The following SMG6 variants were observed in gnomAD, a reference collection of about 807,000 sequenced individuals.
SMG6 encodes the protein SMG6 nonsense mediated mRNA decay factor, also known as telomerase-binding protein EST1A.
Under a neutral mutation model 142.2 loss-of-function variants are expected in SMG6, and 66 were observed. That is an observed-to-expected ratio of 0.46 (90% CI 0.38 to 0.57). The LOEUF is 0.57. Ranked by LOEUF, SMG6 falls within the 20% of genes least tolerant of loss-of-function variation. The pLI, the probability that SMG6 is intolerant of heterozygous loss-of-function variation, is 0.00. For missense variants in SMG6, 1,793 were observed against 1,832.0 expected (o/e 0.98, Z 0.39); for synonymous variants, 779 against 702.4 (o/e 1.11, Z -1.72).
At chr17:2,229,241 A>G (rs772917617) in intron 10 of SMG6, 2 of 152,228 alleles carry the variant, frequency 1.3e-5, no homozygotes, top group African/African-American at 2.4e-5. Context: ...CCCAAACAAC[A>G]ACCTTCTGCT....
At chr17:2,121,587 C>CTGTGTGTGTGTGTGTGTGTGTGTG (rs71150850) in intron 13 of SMG6, among the ~76,000 whole-genome samples, 6 of 139,776 alleles carry the variant, frequency 4.3e-5, no homozygotes, top group East Asian at 2.2e-4. Context: ...ACATGTCTGT[C>CTGTGTGTGTGTGTGTGTGTGTGTG]TGTGTGTGTG....
At chr17:2,098,334 T>C (rs1050149069) in intron 13 of SMG6, among the ~76,000 whole-genome samples, 3 of 152,212 alleles carry the variant, frequency 2.0e-5, no homozygotes, top group Non-Finnish European at 4.4e-5. Flanking sequence ...TCACATATGT[T>C]GCTAAATCCT....
Position 2,061,471 on chromosome 17 carries a change from G to A in SMG6, c.*21C>T, listed in dbSNP as rs1444205169. On this transcript the variant is annotated 3_prime_UTR_variant, in exon 19 of 19. Transcript: ENST00000263073. ...CCTTTCAGGAACGGTTCCACGGGGGGGGGGCCCCAGTGTGGCTCCCTCAGC... is the reference window on the plus strand; with the variant it reads ...CCTTTCAGGAACGGTTCCACGGGGGAGGGGCCCCAGTGTGGCTCCCTCAGC... 6.4e-7 allele frequency: 1 copy of A among 1,565,376 alleles called. No homozygotes were observed. The highest frequency in any genetic ancestry group is 1.2e-5 in the South Asian group (1 of 86,254).
intron 13 of SMG6, among the ~76,000 whole-genome samples, chr17:2,171,260 T>A (rs1347620236): frequency 1.3e-5 from 2 of 151,152 alleles, no homozygotes; most frequent in Non-Finnish European, 2.9e-5. Context: ...GGCAACAGAG[T>A]GAGACTCTAT....
At position 2,099,238 on chromosome 17, in the gene SMG6, G is replaced by C. The variant is rs779095557; in HGVS notation, c.3358-13337C>G. Reference sequence around the variant, plus strand: ...ATGCTCCCCGAAGCTGTGCAACACAGACACCTGGACACACTCGGAGATGCT... The same window carrying C: ...ATGCTCCCCGAAGCTGTGCAACACACACACCTGGACACACTCGGAGATGCT... On this transcript the variant is annotated intron_variant, in intron 13 of 18. Transcript: ENST00000263073. Among the ~76,000 whole-genome samples the C allele has an allele frequency of 1.4e-4, 21 of 151,970 alleles. 1 individual carries two copies. The highest frequency in any genetic ancestry group is 2.5e-4 in the Non-Finnish European group (17 of 68,014).
chr17:2,143,494 A>T (rs2070553729), intron 13 of SMG6, among the ~76,000 whole-genome samples: 1 of 152,214 alleles, frequency 6.6e-6, no homozygotes, highest in Admixed American at 6.5e-5. Flanking sequence ...CCATAATTAT[A>T]TGATCCCATT....
chr17:2,093,071 G>GT (rs1338445096), intron 13 of SMG6, among the ~76,000 whole-genome samples: 3 of 151,934 alleles, frequency 2.0e-5, no homozygotes, highest in Admixed American at 2.0e-4. Context: ...GCGGGCTCCT[G>GT]TAATTCCAGC....
chr17:2,163,148 A>G (rs1014799764), intron 13 of SMG6, among the ~76,000 whole-genome samples: 5 of 152,036 alleles, frequency 3.3e-5, no homozygotes, highest in African/African-American at 4.8e-5. Flanking sequence ...CTTAATTTGT[A>G]AAGTATTTCT....
chr17:2,243,948 T>C (rs1258308288), intron 9 of SMG6, among the ~76,000 whole-genome samples: 2 of 152,208 alleles, frequency 1.3e-5, no homozygotes, highest in Non-Finnish European at 2.9e-5. Flanking sequence ...CAGGCATCCA[T>C]CTGCTCTGGC....
chr17:2,126,645 G>A (rs1183890219), intron 13 of SMG6, among the ~76,000 whole-genome samples: 1 of 151,694 alleles, frequency 6.6e-6, no homozygotes, highest in African/African-American at 2.4e-5. Flanking sequence ...GAACCCGGGA[G>A]GTGGAGGTTG....
At chr17:2,087,959 G>A (rs1467451570) in intron 13 of SMG6, 2 of 985,698 alleles carry the variant, frequency 2.0e-6, no homozygotes, top group Middle Eastern at 5.2e-4. Context: ...CTTGCACTAT[G>A]GAGAATTATG....
rs116937519 is a variant in SMG6, at chr17:2,166,592, G to C, written c.3357+6066C>G. ...TCCACCTCAGCCACCTGATTAGCTG[G>C]AACTACAGGTGTAATACCATCAACC... On this transcript the variant is annotated intron_variant, in intron 13 of 18. Coordinates refer to ENST00000263073, the MANE Select transcript of SMG6 (RefSeq NM_017575.5). Among the ~76,000 whole-genome samples the C allele has an allele frequency of 2.5e-3, 381 of 152,242 alleles. 1 individual carries two copies. The highest frequency in any genetic ancestry group is 4.2e-3 in the Non-Finnish European group (288 of 68,012).
intron 10 of SMG6, among the ~76,000 whole-genome samples, chr17:2,203,607 G>C (rs2072596069): frequency 6.6e-6 from 1 of 152,192 alleles, no homozygotes; most frequent in South Asian, 2.1e-4. Flanking sequence ...TGTGTCAAAA[G>C]TTATTTAAGG....
chr17:2,176,784 G>A (rs993393265), intron 12 of SMG6, among the ~76,000 whole-genome samples: 2 of 152,180 alleles, frequency 1.3e-5, no homozygotes, highest in Non-Finnish European at 2.9e-5. Flanking sequence ...AGCCAGATCC[G>A]AGTTTGGGAC....
chr17:2,157,878 G>C (rs183180748), intron 13 of SMG6, among the ~76,000 whole-genome samples: 1 of 152,104 alleles, frequency 6.6e-6, no homozygotes, highest in East Asian at 1.9e-4. Context: ...TTGCAATGGC[G>C]ACAAGAAGCT....
chr17:2,139,996 G>T (rs546167307), intron 13 of SMG6, among the ~76,000 whole-genome samples: 1 of 152,334 alleles, frequency 6.6e-6, no homozygotes, highest in South Asian at 2.1e-4. Context: ...AAAGTGCTGG[G>T]ATTACAGGCG....
chr17:2,267,817 G>A (rs1213951995), intron 8 of SMG6, among the ~76,000 whole-genome samples: 5 of 150,302 alleles, frequency 3.3e-5, no homozygotes, highest in Admixed American at 6.6e-5. Context: ...GCGCGATCTC[G>A]GCTCACTGTA....
rs778851052 is a variant in SMG6, at chr17:2,292,874, C to T, written c.2255G>A (p.Arg752His). The T allele has an allele frequency of 1.9e-6, 3 of 1,612,454 alleles. No individual in the cohort carries two copies. Among genetic ancestry groups the T allele is most frequent in the Admixed American group, 3.3e-5 (2 of 60,022 alleles). The change falls in exon 5 of 19, where the codon CGC becomes CAC. Residue 752 changes from arginine to histidine, a missense_variant. Physicochemically the swap from Arg to His is conservative, Grantham distance 29 (BLOSUM62 0). This residue lies in a region of SMG6 where 1,597 missense variants were observed against 1,584.6 expected (regional missense o/e 1.01). Transcript: ENST00000263073. ...ASDTANYGKA[R>H]SWYLKAQHIA... Reference sequence around the variant, plus strand: ...AACGAAGCAGAGGTAAAAGTACCTGCGTGCTTTCCCATAATTCGCTGTATC... The same window carrying T: ...AACGAAGCAGAGGTAAAAGTACCTGTGTGCTTTCCCATAATTCGCTGTATC...
rs144007639 is a variant in SMG6, at chr17:2,082,365, A to G, written c.3535-409T>C. The G allele has an allele frequency of 6.3e-3, 1,103 of 174,442 alleles. 9 individuals carry two copies. The highest frequency in any genetic ancestry group is 0.011 in the Non-Finnish European group (856 of 80,080). The allele number at this position is 174,442 out of a possible 1,614,324, so 10.8% of individuals were successfully genotyped here. A position where few individuals can be genotyped will look rare whatever the true frequency, so the allele number is the denominator to read the frequency against. On this transcript the variant is annotated intron_variant, in intron 14 of 18. Transcript: ENST00000263073. ...AGTTAAACCACCCAACTTAAATCTAATTCATGCTAACGATCTGATAGGAAT... is the reference window on the plus strand; with the variant it reads ...AGTTAAACCACCCAACTTAAATCTAGTTCATGCTAACGATCTGATAGGAAT...
Sources: allele counts gnomAD v4.1 joint callset (sites outside exome capture counted in the v4.1 genomes callset), GRCh38; gene constraint gnomAD v4.1.1; regional missense constraint gnomAD v4.1.1; transcripts MANE v1.5; gene names NCBI Gene and HGNC (gene_info 2026-07-23, HGNC 2026-07-21).